Variants in KIF11 observed in about 807,000 individuals in gnomAD.
The protein encoded by KIF11 is kinesin family member 11.
A neutral mutation model predicts 121.0 loss-of-function variants in KIF11; 9 were observed. The ratio of observed to expected loss-of-function variants is 0.07; its 90% CI spans 0.04 to 0.13. The LOEUF (loss-of-function observed/expected upper bound fraction) is 0.13, where lower values mean the gene tolerates loss of function less well. Ranked by LOEUF, KIF11 falls within the 10% of genes least tolerant of loss-of-function variation. The pLI is 1.00. For missense variants in KIF11, 846 were observed against 1,217.5 expected (o/e 0.69, Z 4.54); for synonymous variants, 408 against 421.0 (o/e 0.97, Z 0.38).
chr10:92,618,570 C>A (rs187911268), intron 9 of KIF11, among the ~76,000 whole-genome samples: 2 of 147,544 alleles, frequency 1.4e-5, no homozygotes, highest in African/African-American at 2.6e-5. Context: ...TGCTTGAACT[C>A]GGGAGACAGG....
Position 92,621,413 on chromosome 10 carries a change from A to G in KIF11, c.1157A>G (p.Lys386Arg), listed in dbSNP as rs765825997. ...TATACGGAGGAGATAGAACGTTTAA[A>G]ACGAGATCTTGCTGCAGCCCGTGAG... ...KEYTEEIERL[K>R]RDLAAAREKN... Residue 386 changes from lysine (K) to arginine (R), a missense_variant, in exon 10 of 22, where the codon AAA becomes AGA. By Grantham distance (26) the Lys-to-Arg change is conservative (BLOSUM62 2). This residue lies in a region of KIF11 where 116 missense variants were observed against 285.3 expected (regional missense o/e 0.41). Transcript: ENST00000260731. 4 of 1,613,358 alleles carry G rather than the reference A, an allele frequency of 2.5e-6. No individual in the cohort carries two copies. Among genetic ancestry groups the G allele is most frequent in the Non-Finnish European group, 3.4e-6 (4 of 1,179,394 alleles).
intron 1 of KIF11, among the ~76,000 whole-genome samples, chr10:92,599,658 C>CTTTTCTTTTT (rs1254135649): frequency 7.3e-6 from 1 of 137,432 alleles, no homozygotes; most frequent in African/African-American, 2.6e-5. Context: ...GTTTTCTTTT[C>CTTTTCTTTTT]TTTTTTTTTT....
At chr10:92,647,945 C>G (rs1411124536) in intron 18 of KIF11, among the ~76,000 whole-genome samples, 1 of 151,770 alleles carries the variant, frequency 6.6e-6, no homozygotes, top group African/African-American at 2.4e-5. Context: ...GCCATCTCTT[C>G]AAAAAATACA....
intron 10 of KIF11, among the ~76,000 whole-genome samples, chr10:92,622,083 C>G (rs1844623046): frequency 2.0e-5 from 3 of 151,774 alleles, no homozygotes. Context: ...TGAGATTAGT[C>G]TGACCAACAT....
intron 10 of KIF11, among the ~76,000 whole-genome samples, chr10:92,625,315 GTCT>G (rs1357795358): frequency 6.7e-6 from 1 of 149,348 alleles, no homozygotes; most frequent in Admixed American, 6.7e-5. Context: ...CCACATATAT[GTCT>G]TCTTTTGAAA....
At position 92,655,021 on chromosome 10, in the gene KIF11, CTT is replaced by C. The variant is rs879098572; in HGVS notation, c.*1229_*1230del. On this transcript the variant is annotated 3_prime_UTR_variant, in exon 22 of 22. Transcript: ENST00000260731. Reference sequence around the variant, plus strand: ...TATATAATACAATGTGTACATGTATCTTTTTCTCGATTCAAATCTTAACCCTT... The same window carrying C: ...TATATAATACAATGTGTACATGTATCTTTCTCGATTCAAATCTTAACCCTT... 6.5e-5 allele frequency: 10 copies of C among 152,700 alleles called. No individual in the cohort carries two copies. The South Asian group carries it at 2.1e-3, about 32-fold the overall frequency. The allele number at this position is 152,700 out of a possible 1,614,324, so 9.5% of individuals were successfully genotyped here. A position where few individuals can be genotyped will look rare whatever the true frequency, so the allele number is the denominator to read the frequency against.
intron 21 of KIF11, among the ~76,000 whole-genome samples, chr10:92,651,523 T>TTTTG (rs1844982561): frequency 1.3e-5 from 1 of 76,786 alleles, no homozygotes; most frequent in Non-Finnish European, 2.3e-5. Context: ...TTTTTTTTTT[T>TTTTG]TTTTTTTTTT....
chr10:92,619,148 C>T lies in KIF11; in HGVS notation c.1129-2237C>T, dbSNP rs201820741. Reference sequence around the variant, plus strand: ...TCTCCTTCCTCACTCTCCCAAGTAGCTGGGATTACAGGTGTTTGCCACCAT... The same window carrying T: ...TCTCCTTCCTCACTCTCCCAAGTAGTTGGGATTACAGGTGTTTGCCACCAT... On this transcript the variant is annotated intron_variant, in intron 9 of 21. Coordinates refer to ENST00000260731, the MANE Select transcript of KIF11 (RefSeq NM_004523.4). 1.2e-4 allele frequency among the ~76,000 whole-genome samples: 18 copies of T among 152,254 alleles called. No homozygotes were observed. In the East Asian group the frequency reaches 2.7e-3, roughly 23 times the overall value.
Position 92,633,633 on chromosome 10 carries a change from G to C in KIF11, c.1713G>C (p.Leu571=). 6.2e-7 allele frequency: 1 copy of C among 1,602,866 alleles called. No homozygotes were observed. Residue 571 remains leucine (L), a synonymous_variant, in exon 14 of 22, where the codon CTG becomes CTC. Coordinates refer to ENST00000260731, the MANE Select transcript of KIF11 (RefSeq NM_004523.4). ...TTTTGTTTGTTATAGGTAATCTGCT[G>C]TCTTCCAGTGTCTCTGCATTAGATA... ...EVHKTLFGNL[L]SSSVSALDTI...
rs1208242356 is a variant in KIF11 at position 92,628,778 on chromosome 10, CT to C, written c.1218-29del. On this transcript the variant is annotated intron_variant, in intron 10 of 21. Coordinates refer to ENST00000260731, the MANE Select transcript of KIF11 (RefSeq NM_004523.4). ...TATAGGAGTTAGAAAAAAATATTAA[CT>C]GTTAAACTCATATTAAACTTTATTT... The C allele has an allele frequency of 2.5e-6, 3 of 1,198,916 alleles. No homozygotes were observed. The African/African-American group carries it at 4.6e-5, about 18-fold the overall frequency. 74.3% of individuals were successfully genotyped at this position (1,198,916 alleles called of 1,614,324 possible). A position where few individuals can be genotyped will look rare whatever the true frequency, so the allele number is the denominator to read the frequency against.
chr10:92,635,031 T>C (rs1418801916), intron 14 of KIF11, among the ~76,000 whole-genome samples: 1 of 152,230 alleles, frequency 6.6e-6, no homozygotes, highest in Non-Finnish European at 1.5e-5. Context: ...ACCTCCTTCA[T>C]ACTTGATTTA....
At chr10:92,600,245 C>T (rs1369422678) in intron 1 of KIF11, among the ~76,000 whole-genome samples, 7 of 152,048 alleles carry the variant, frequency 4.6e-5, no homozygotes, top group African/African-American at 7.2e-5. Flanking sequence ...CCTCGTGATC[C>T]GCCCGCTTCG....
chr10:92,599,657 TC>T (rs947070328), intron 1 of KIF11, among the ~76,000 whole-genome samples: 2 of 150,262 alleles, frequency 1.3e-5, no homozygotes, highest in African/African-American at 4.9e-5. Context: ...AGTTTTCTTT[TC>T]TTTTTTTTTT....
At chr10:92,614,789 T>G (rs1216814408) in intron 8 of KIF11, among the ~76,000 whole-genome samples, 1 of 152,116 alleles carries the variant, frequency 6.6e-6, no homozygotes, top group African/African-American at 2.4e-5. Flanking sequence ...ATTTATTAAT[T>G]TTTTTACTTT....
intron 3 of KIF11, 138 bp downstream of exon 3, chr10:92,606,854 T>G: frequency 1.5e-6 from 1 of 647,724 alleles, no homozygotes; most frequent in South Asian, 1.8e-5. Context: ...CTCGGCTCAC[T>G]GCAGCCTCTG....
intron 6 of KIF11, among the ~76,000 whole-genome samples, chr10:92,611,333 C>T (rs1193290158): frequency 6.6e-6 from 1 of 151,942 alleles, no homozygotes; most frequent in East Asian, 1.9e-4. Flanking sequence ...CTGCCTCAGC[C>T]TCCTGAGTAG....
rs1224211123 is a variant in KIF11, at chr10:92,609,580, A to G, written c.698+71A>G. 1.5e-5 allele frequency: 22 copies of G among 1,491,972 alleles called. 1 individual carries two copies. The Admixed American group carries it at 4.0e-4, about 27-fold the overall frequency. The allele number at this position is 1,491,972 out of a possible 1,614,324, so 92.4% of individuals were successfully genotyped here. On this transcript the variant is annotated intron_variant, in intron 6 of 21. Transcript: ENST00000260731. ...AGAATTAGGAACTTGGAGAAAGTCA[A>G]ATTGGGGTGGGTCAGGGTATGTGGG...
intron 10 of KIF11, among the ~76,000 whole-genome samples, chr10:92,622,102 C>T (rs1844623580): frequency 6.6e-6 from 1 of 151,496 alleles, no homozygotes; most frequent in Non-Finnish European, 1.5e-5. Flanking sequence ...ATGGAGAAAC[C>T]CCATCACTAC....
At chr10:92,600,518 T>G (rs781010035) in intron 1 of KIF11, among the ~76,000 whole-genome samples, 28 of 152,274 alleles carry the variant, frequency 1.8e-4, no homozygotes, top group Admixed American at 3.3e-4. Flanking sequence ...TTCTATTTTT[T>G]TTTCTTTTGA....
Sources: allele counts gnomAD v4.1 joint callset (sites outside exome capture counted in the v4.1 genomes callset), GRCh38; gene constraint gnomAD v4.1.1; regional missense constraint gnomAD v4.1.1; transcripts MANE v1.5; gene names NCBI Gene and HGNC (gene_info 2026-07-23, HGNC 2026-07-21).